SEL1L: variants seen among roughly 807,000 people sequenced by gnomAD.
The protein encoded by SEL1L is protein sel-1 homolog 1.
Under a neutral mutation model 109.8 loss-of-function variants are expected in SEL1L, and 52 were observed. The observed-to-expected ratio is 0.47, with a 90% CI of 0.38 to 0.60. The LOEUF (loss-of-function observed/expected upper bound fraction) is 0.60. SEL1L is among the 20% of genes least tolerant of loss of function. The pLI is 0.00. For synonymous variants in SEL1L, 373 were observed against 339.6 expected (o/e 1.10, Z -1.08); for missense variants, 749 against 962.2 (o/e 0.78, Z 2.93).
At chr14:81,526,011 TA>T (rs201826976) in intron 3 of SEL1L, among the ~76,000 whole-genome samples, 38 of 151,846 alleles carry the variant, frequency 2.5e-4, no homozygotes, top group East Asian at 5.8e-4. Context: ...ATATTTGTAG[TA>T]AAAAAAAATT....
chr14:81,520,707 A>G (rs1884873624), intron 3 of SEL1L, among the ~76,000 whole-genome samples: 1 of 152,244 alleles, frequency 6.6e-6, no homozygotes, highest in Admixed American at 6.5e-5. Flanking sequence ...GAAGGTATTT[A>G]CTATTGGAAG....
intron 3 of SEL1L, among the ~76,000 whole-genome samples, chr14:81,516,344 G>C (rs1195306225): frequency 6.6e-6 from 1 of 152,196 alleles, no homozygotes; most frequent in Admixed American, 6.5e-5. Flanking sequence ...GGAATCCTGG[G>C]ACAGCCTGTA....
chr14:81,522,951 T>C (rs1235624976), intron 3 of SEL1L, among the ~76,000 whole-genome samples: 1 of 152,192 alleles, frequency 6.6e-6, no homozygotes, highest in Admixed American at 6.5e-5. Context: ...TATTTTCAAA[T>C]ATTTGGTTGA....
intron 3 of SEL1L, among the ~76,000 whole-genome samples, chr14:81,509,617 A>G (rs1273144120): frequency 6.6e-6 from 1 of 152,226 alleles, no homozygotes; most frequent in Non-Finnish European, 1.5e-5. Flanking sequence ...GTCAATTAAA[A>G]TCAGTCAAGA....
chr14:81,501,877 T>C (rs1333930776), intron 6 of SEL1L, among the ~76,000 whole-genome samples: 3 of 151,936 alleles, frequency 2.0e-5, no homozygotes, highest in South Asian at 2.1e-4. Context: ...TGACATCCTA[T>C]TGACAGGAAA....
intron 3 of SEL1L, among the ~76,000 whole-genome samples, chr14:81,514,778 T>A (rs966238297): frequency 5.3e-5 from 8 of 152,140 alleles, no homozygotes; most frequent in African/African-American, 1.9e-4. Context: ...TCCTAAGCCA[T>A]TGGGACCAAT....
At chr14:81,493,589 C>T (rs1042013020) in intron 11 of SEL1L, among the ~76,000 whole-genome samples, 6 of 151,966 alleles carry the variant, frequency 3.9e-5, no homozygotes, top group Non-Finnish European at 7.4e-5. Context: ...TCCTTTAGAC[C>T]CCCAATTTCT....
In SEL1L at chr14:81,477,047, A is replaced by G; in HGVS notation, c.2310T>C (p.Pro770=). ...GCCGTGGCCCTGGAGGCCTGGGTGC[A>G]GGCATGTCTTGGTGCTGCCTTTGCC... The part of the protein sequence containing the change: ...AYRQRQHQDM[P]APRPPGPRPA... The change falls in exon 21 of 21, where the codon CCT becomes CCC. Residue 770 remains proline (P), a synonymous_variant. Transcript: ENST00000336735. 6.2e-7 allele frequency: 1 copy of G among 1,614,140 alleles called. No individual in the cohort carries two copies. The highest frequency in any genetic ancestry group is 8.5e-7 in the Non-Finnish European group (1 of 1,180,046).
At chr14:81,481,104 GTT>G (rs1903342869) in intron 19 of SEL1L, among the ~76,000 whole-genome samples, 5 of 152,274 alleles carry the variant, frequency 3.3e-5, no homozygotes, top group African/African-American at 1.2e-4. Context: ...GGCATCTTGT[GTT>G]TCCCTGTGTT....
At chr14:81,490,365 A>G (rs1363096531) in intron 13 of SEL1L, 23 bp downstream of exon 13, 16 of 1,564,640 alleles carry the variant, frequency 1.0e-5, no homozygotes, top group Non-Finnish European at 1.3e-5. Context: ...TACACATTTC[A>G]GTACACTGAG....
intron 3 of SEL1L, among the ~76,000 whole-genome samples, chr14:81,525,298 C>T (rs1478586079): frequency 6.6e-6 from 1 of 151,828 alleles, no homozygotes; most frequent in African/African-American, 2.4e-5. Context: ...CCTGTAATCC[C>T]AGCACTTTGG....
intron 1 of SEL1L, among the ~76,000 whole-genome samples, chr14:81,529,501 A>AATC (rs1367801816): frequency 6.6e-6 from 1 of 152,220 alleles, no homozygotes; most frequent in Non-Finnish European, 1.5e-5. Flanking sequence ...CTAACAGGTG[A>AATC]ATCATATGGA....
At chr14:81,488,674 A>T (rs906960998) in intron 14 of SEL1L, 2 of 152,916 alleles carry the variant, frequency 1.3e-5, no homozygotes, top group Non-Finnish European at 2.9e-5. Context: ...ACACCAGGGA[A>T]GCGAGAGGTC....
chr14:81,495,701 C>G (rs548073373), intron 10 of SEL1L, among the ~76,000 whole-genome samples: 29 of 152,072 alleles, frequency 1.9e-4, no homozygotes, highest in African/African-American at 6.0e-4. Flanking sequence ...CTTTTGGAAG[C>G]TGAGGTGGGT....
chr14:81,513,202 T>C (rs1488299523), intron 3 of SEL1L, among the ~76,000 whole-genome samples: 1 of 152,134 alleles, frequency 6.6e-6, no homozygotes, highest in African/African-American at 2.4e-5. Flanking sequence ...CTCCGTAAAA[T>C]GGACCAATTA....
rs761522843 is a variant in SEL1L, at chr14:81,476,132, T to C, written c.*840A>G. 2.0e-5 allele frequency: 3 copies of C among 152,242 alleles called. No individual in the cohort carries two copies. The highest frequency in any genetic ancestry group is 4.4e-5 in the Non-Finnish European group (3 of 68,038). 9.4% of individuals were successfully genotyped at this position (152,242 alleles called of 1,614,324 possible). A position where few individuals can be genotyped will look rare whatever the true frequency, so the allele number is the denominator to read the frequency against. On this transcript the variant is annotated 3_prime_UTR_variant, in exon 21 of 21. Transcript: ENST00000336735. Reference sequence around the variant, plus strand: ...ACCCCAACCAGAGTTCGTTTTGTTTTCTAATTTCTCCCACTTAGTCCATCC... The same window carrying C: ...ACCCCAACCAGAGTTCGTTTTGTTTCCTAATTTCTCCCACTTAGTCCATCC...
rs539473372 is a variant in SEL1L, at chr14:81,472,599, TAAAC to T, written c.*4369_*4372del. The T allele has an allele frequency of 6.6e-6, 3 of 457,710 alleles. No individual in the cohort carries two copies. Among genetic ancestry groups the T allele is most frequent in the African/African-American group, 6.0e-5 (3 of 49,884 alleles). 28.4% of individuals were successfully genotyped at this position (457,710 alleles called of 1,614,324 possible). A position where few individuals can be genotyped will look rare whatever the true frequency, so the allele number is the denominator to read the frequency against. ...AAAATTCCTGGGACAAGGCAATGCA[TAAAC>T]AAACTTTAGATAAATAATATTATAA... On this transcript the variant is annotated 3_prime_UTR_variant, in exon 21 of 21. Coordinates refer to ENST00000336735, the MANE Select transcript of SEL1L (RefSeq NM_005065.6).
Position 81,510,514 on chromosome 14 carries a change from C to CTCTCTCTATATATATA in SEL1L, c.341-4274_341-4273insTATATATATAGAGAGA, listed in dbSNP as rs35474067. Among the ~76,000 whole-genome samples, 243 of 104,052 alleles carry CTCTCTCTATATATATA rather than the reference C, an allele frequency of 2.3e-3. 1 individual carries two copies. The highest frequency in any genetic ancestry group is 3.5e-3 in the African/African-American group (103 of 29,276). The allele number at this position is 104,052 out of a possible 152,430, so 68.3% of individuals were successfully genotyped here. On this transcript the variant is annotated intron_variant, in intron 3 of 20. Transcript: ENST00000336735. ...TCTCTCTCTCTCTCTCTCTCTCTCTCTATATATATATATATAGACAATTAA... is the reference window on the plus strand; with the variant it reads ...TCTCTCTCTCTCTCTCTCTCTCTCTCTCTCTCTATATATATATATATATATATATATAGACAATTAA...
intron 9 of SEL1L, 102 bp downstream of exon 9, chr14:81,498,311 A>G: frequency 1.0e-6 from 1 of 965,694 alleles, no homozygotes; most frequent in Non-Finnish European, 1.5e-6. Context: ...CACATAAAAG[A>G]GCCATTTATA....
Sources: allele counts gnomAD v4.1 joint callset (sites outside exome capture counted in the v4.1 genomes callset), GRCh38; gene constraint gnomAD v4.1.1; transcripts MANE v1.5; gene names NCBI Gene and HGNC (gene_info 2026-07-23, HGNC 2026-07-21).